Variants in PDE6G observed in about 807,000 individuals in gnomAD.
PDE6G encodes phosphodiesterase 6G, also known as rod cGMP 3',5'-cyclic phosphodiesterase subunit gamma.
A neutral mutation model predicts 10.9 loss-of-function variants in PDE6G; 10 were observed. The observed-to-expected ratio is 0.91, with a 90% CI of 0.56 to 1.55. The LOEUF is 1.55. Ranked by LOEUF, PDE6G falls within the 40% of genes most tolerant of loss-of-function variation. The pLI is 0.00. For missense variants in PDE6G, 102 were observed against 110.1 expected, an observed-to-expected ratio of 0.93 and a Z score of 0.33; for synonymous variants, 41 against 42.8, an observed-to-expected ratio of 0.96 and a Z score of 0.16.
At chr17:81,657,327 G>A (rs1381821286), upstream of PDE6G, among the ~76,000 whole-genome samples, 1 of 136,810 alleles carries the variant, frequency 7.3e-6, no homozygotes, top group African/African-American at 2.6e-5. Flanking sequence ...TTCTTCCTGA[G>A]GGGCCTGGAG....
rs563586721 is a variant in PDE6G at position 81,656,497 on chromosome 17, T to C, written c.-64A>G. The C allele has an allele frequency of 1.3e-6, 1 of 763,112 alleles. No individual in the cohort carries two copies. The highest frequency in any genetic ancestry group is 1.7e-5 in the Admixed American group (1 of 58,726). 47.3% of individuals were successfully genotyped at this position (763,112 alleles called of 1,614,324 possible). A position where few individuals can be genotyped will look rare whatever the true frequency, so the allele number is the denominator to read the frequency against. ...GCGGGGTTGGCCACTACTCACCAAGTGCAGGGCGGGTCTCAGGGGGCTGTG... is the reference window on the plus strand; with the variant it reads ...GCGGGGTTGGCCACTACTCACCAAGCGCAGGGCGGGTCTCAGGGGGCTGTG... On this transcript the variant is annotated 5_prime_UTR_variant, in exon 1 of 4. Transcript: ENST00000331056.
Position 81,651,189 on chromosome 17 carries a change from C to A in PDE6G, c.188-39G>T. 2 of 1,455,114 alleles carry A rather than the reference C, an allele frequency of 1.4e-6. No individual in the cohort carries two copies. Among genetic ancestry groups the A allele is most frequent in the Non-Finnish European group, 1.9e-6 (2 of 1,035,646 alleles). 90.1% of individuals were successfully genotyped at this position (1,455,114 alleles called of 1,614,324 possible). A position where few individuals can be genotyped will look rare whatever the true frequency, so the allele number is the denominator to read the frequency against. On this transcript the variant is annotated intron_variant, in intron 3 of 3. Coordinates refer to ENST00000331056, the MANE Select transcript of PDE6G (RefSeq NM_002602.4). The surrounding 1 kb of genome is among the most constrained non-coding windows in gnomAD (Gnocchi z 4.8). The stretch of plus-strand genomic sequence containing the variant: ...GGGCCACGGATCAGAGAGGATCCCA[C>A]GGCCTAGGGACCCCCCCATCCCCTG...
upstream of PDE6G, among the ~76,000 whole-genome samples, chr17:81,659,041 A>T (rs2036484205): frequency 6.6e-6 from 1 of 151,980 alleles, no homozygotes; most frequent in South Asian, 2.1e-4. Context: ...TCCAGAAAGG[A>T]CGGCTGGATT....
At chr17:81,662,869 C>T (rs558566991) in intron 1 of PDE6G, among the ~76,000 whole-genome samples, 115 of 152,142 alleles carry the variant, frequency 7.6e-4, no homozygotes, top group Middle Eastern at 3.4e-3. Context: ...TGTGGTGGCA[C>T]GCGCCTGTAG....
chr17:81,662,181 C>T (rs1387535244), intron 1 of PDE6G, among the ~76,000 whole-genome samples: 3 of 152,234 alleles, frequency 2.0e-5, no homozygotes, highest in South Asian at 2.1e-4. Flanking sequence ...CATGTGTCCA[C>T]GTTGGGCACA....
chr17:81,656,634 G>A (rs1424766720), upstream of PDE6G: 18 of 709,816 alleles, frequency 2.5e-5, no homozygotes, highest in South Asian at 1.0e-4. Flanking sequence ...TGGGCCCCGA[G>A]GGGGGGCACA....
rs2036401520 is a variant in PDE6G, at chr17:81,653,534, G to C, written c.-59-170C>G. Reference sequence around the variant, plus strand: ...GTAACCAGCCTGCCAGCTTTGCTTGGGTCCACCCGCACGCTCCCATTCCCC... The same window carrying C: ...GTAACCAGCCTGCCAGCTTTGCTTGCGTCCACCCGCACGCTCCCATTCCCC... On this transcript the variant is annotated intron_variant, in intron 1 of 3. Transcript: ENST00000331056. This position sits in a 1 kb window ranked among gnomAD's most constrained non-coding sequence, Gnocchi z 5.2. 2 of 581,504 alleles carry C rather than the reference G, an allele frequency of 3.4e-6. No individual in the cohort carries two copies. The highest frequency in any genetic ancestry group is 6.2e-6 in the Non-Finnish European group (2 of 325,184). 36.0% of individuals were successfully genotyped at this position (581,504 alleles called of 1,614,324 possible).
upstream of PDE6G, among the ~76,000 whole-genome samples, chr17:81,657,395 C>T (rs928500315): frequency 6.6e-6 from 1 of 152,236 alleles, no homozygotes; most frequent in Admixed American, 6.5e-5. Flanking sequence ...CCAGAGCTAA[C>T]ATTCTTTCCT....
chr17:81,654,932 AT>A (rs1396525496), intron 1 of PDE6G, among the ~76,000 whole-genome samples: 3 of 143,382 alleles, frequency 2.1e-5, no homozygotes, highest in African/African-American at 5.2e-5. Context: ...TTTTTTTTGT[AT>A]TTTTTAGTAG....
intron 1 of PDE6G, among the ~76,000 whole-genome samples, chr17:81,654,743 G>C (rs2144405200): frequency 6.8e-6 from 1 of 147,904 alleles, no homozygotes; most frequent in Non-Finnish European, 1.5e-5. Flanking sequence ...GCTGTGGCTG[G>C]AATCTCACCT....
chr17:81,652,509 C>T (rs1268830608), intron 2 of PDE6G, among the ~76,000 whole-genome samples: 1 of 151,936 alleles, frequency 6.6e-6, no homozygotes, highest in African/African-American at 2.4e-5. Context: ...GATCTCCTGA[C>T]CTCGTGATCC....
intron 1 of PDE6G, among the ~76,000 whole-genome samples, chr17:81,662,061 G>T (rs2036517246): frequency 6.6e-6 from 1 of 151,890 alleles, no homozygotes. Flanking sequence ...ATCTACCTAT[G>T]ACCTGGAAGC....
In PDE6G at chr17:81,650,982, C is replaced by G. The variant is rs997303927; in HGVS notation, c.*92G>C. 5 of 943,494 alleles carry G rather than the reference C, an allele frequency of 5.3e-6. No individual in the cohort carries two copies. Among genetic ancestry groups the G allele is most frequent in the Non-Finnish European group, 8.7e-6 (5 of 574,058 alleles). 58.4% of individuals were successfully genotyped at this position (943,494 alleles called of 1,614,324 possible). A position where few individuals can be genotyped will look rare whatever the true frequency, so the allele number is the denominator to read the frequency against. On this transcript the variant is annotated 3_prime_UTR_variant, in exon 4 of 4. Coordinates refer to ENST00000331056, the MANE Select transcript of PDE6G (RefSeq NM_002602.4). ...TCCTGGTGTCCAGGTGCCATCTGGG[C>G]TAGGGAGGCATCTCCTCAACAGGAA...
At chr17:81,661,612 G>A (rs2036511263) in intron 1 of PDE6G, among the ~76,000 whole-genome samples, 1 of 152,196 alleles carries the variant, frequency 6.6e-6, no homozygotes, top group African/African-American at 2.4e-5. Flanking sequence ...TGTAATCCCA[G>A]CACTTTGGGA....
At chr17:81,657,318 T>C (rs568534286), upstream of PDE6G, among the ~76,000 whole-genome samples, 1 of 152,110 alleles carries the variant, frequency 6.6e-6, no homozygotes, top group African/African-American at 2.4e-5. Flanking sequence ...TACCTAAATT[T>C]CTTCCTGAGG....
Position 81,651,149 on chromosome 17 carries a change from G to A in PDE6G, c.189C>T (p.Asp63=), listed in dbSNP as rs1292781893. 2.5e-6 allele frequency: 4 copies of A among 1,612,096 alleles called. No individual in the cohort carries two copies. Residue 63 remains aspartate (D), a splice_region_variant and synonymous_variant, in exon 4 of 4, where the codon GAC becomes GAT. Coordinates refer to ENST00000331056, the MANE Select transcript of PDE6G (RefSeq NM_002602.4). The surrounding 1 kb of genome is among the most constrained non-coding windows in gnomAD (Gnocchi z 4.8). ...CCTCCCAAGGGCAGATGACTGTGAT[G>A]TCTGTGGGAGAAACGGGCCACGGAT... The part of the protein sequence containing the change: ...DIPGMEGLGT[D]ITVICPWEAF...
chr17:81,662,751 C>T (rs12603220), intron 1 of PDE6G, among the ~76,000 whole-genome samples: 17,560 of 152,220 alleles, frequency 0.12, 1,408 homozygotes, highest in East Asian at 0.41. Flanking sequence ...GCAATCCCAG[C>T]ACTTTACAGG....
chr17:81,652,110 G>A (rs2036367380), intron 2 of PDE6G, among the ~76,000 whole-genome samples: 1 of 152,174 alleles, frequency 6.6e-6, no homozygotes, highest in African/African-American at 2.4e-5. Context: ...ACACGTGTGA[G>A]TGGACACTCC....
upstream of PDE6G, chr17:81,656,997 G>A (rs1326891355): frequency 1.5e-5 from 4 of 261,712 alleles, no homozygotes; most frequent in Non-Finnish European, 2.3e-5. Context: ...CCGCCCTTAG[G>A]GGCCTGTGGG....
Sources: allele counts gnomAD v4.1 joint callset (sites outside exome capture counted in the v4.1 genomes callset), GRCh38; gene constraint gnomAD v4.1.1; non-coding constraint Gnocchi (gnomAD v3.1); transcripts MANE v1.5; gene names NCBI Gene and HGNC (gene_info 2026-07-23, HGNC 2026-07-21).